Variants in ZNF853 observed in about 807,000 individuals in gnomAD.
ZNF853 encodes zinc finger protein 853.
ZNF853 carries 57 observed loss-of-function variants against 94.7 expected under a neutral mutation model. That is an observed-to-expected ratio of 0.60 (90% confidence interval 0.49 to 0.75). The LOEUF is 0.75. Among genes scored for constraint, ZNF853 ranks in the 30% least tolerant of loss-of-function variants. The pLI is 0.00. For synonymous variants in ZNF853, 448 were observed against 406.3 expected (o/e 1.10, Z -1.23); for missense variants, 785 against 868.9 (o/e 0.90, Z 1.21).
Position 6,622,521 on chromosome 7 carries a change from G to A in ZNF853, c.1530G>A (p.Glu510=). The change falls in exon 3 of 3, where the codon GAG becomes GAA. Residue 510 remains glutamate, a synonymous_variant. Coordinates refer to ENST00000457543, the MANE Select transcript of ZNF853 (RefSeq NM_017560.3). The part of the protein sequence containing the change: ...LVRHQATHTG[E]RPHRCGECGK... Reference sequence around the variant, plus strand: ...GCCACCAGGCCACGCACACGGGTGAGCGGCCACACCGCTGCGGCGAGTGCG... The same window carrying A: ...GCCACCAGGCCACGCACACGGGTGAACGGCCACACCGCTGCGGCGAGTGCG... 4 of 1,548,434 alleles carry A rather than the reference G, an allele frequency of 2.6e-6. No individual in the cohort carries two copies. Among genetic ancestry groups the A allele is most frequent in the Non-Finnish European group, 3.5e-6 (4 of 1,146,554 alleles).
At position 6,622,584 on chromosome 7, in the gene ZNF853, C is replaced by T. The variant is rs1205250595; in HGVS notation, c.1593C>T (p.His531=). 1 of 1,575,914 alleles carries T rather than the reference C, an allele frequency of 6.3e-7. No homozygotes were observed. The change falls in exon 3 of 3, where the codon CAC becomes CAT. Residue 531 remains histidine, a synonymous_variant. Transcript: ENST00000457543. The part of the protein sequence containing the change: ...GFSQHSNLVT[H]QRIHTGEKPY... ...CGCAGCACTCGAATCTGGTGACGCA[C>T]CAACGCATCCACACGGGCGAGAAAC...
Position 6,615,942 on chromosome 7 carries a change from A to C in ZNF853, c.-233A>C. On this transcript the variant is annotated 5_prime_UTR_variant, in exon 1 of 3. Coordinates refer to ENST00000457543, the MANE Select transcript of ZNF853 (RefSeq NM_017560.3). The surrounding 1 kb of genome is among the most constrained non-coding windows in gnomAD (Gnocchi z 8.5). ...CAGCCCCCGCCGGAGAGTCTCCACCAACTTCTGCTCGGCCGCTCCTCTCAG... is the reference window on the plus strand; with the variant it reads ...CAGCCCCCGCCGGAGAGTCTCCACCCACTTCTGCTCGGCCGCTCCTCTCAG... The C allele has an allele frequency of 4.8e-6, 2 of 420,420 alleles. No homozygotes were observed. Among genetic ancestry groups the C allele is most frequent in the Non-Finnish European group, 8.5e-6 (2 of 234,344 alleles). The allele number at this position is 420,420 out of a possible 1,614,324, so 26.0% of individuals were successfully genotyped here.
At chr7:6,619,968 C>T in intron 2 of ZNF853, among the ~76,000 whole-genome samples, 47 of 152,160 alleles carry the variant, frequency 3.1e-4, no homozygotes, top group Non-Finnish European at 6.2e-4. Flanking sequence ...TCCCAGTCTC[C>T]TTGGTATTTT....
rs991474360 is a variant in ZNF853 at position 6,622,064 on chromosome 7, A to G, written c.1073A>G (p.Gln358Arg). 1.0e-5 allele frequency: 16 copies of G among 1,547,524 alleles called. No homozygotes were observed. The highest frequency in any genetic ancestry group is 1.4e-5 in the Non-Finnish European group (16 of 1,146,534). The change falls in exon 3 of 3, where the codon CAG becomes CGG. Residue 358 changes from glutamine (Q) to arginine (R), a missense_variant. Gln to Arg is a conservative substitution (Grantham distance 43). Transcript: ENST00000457543. Reference sequence around the variant, plus strand: ...CGGCAGCAGGAGCAGCGGCAGCTGCAGCTCAAACTGCAGGAGGAGCTGCAG... The same window carrying G: ...CGGCAGCAGGAGCAGCGGCAGCTGCGGCTCAAACTGCAGGAGGAGCTGCAG... ...LERQQEQRQLQLKLQEELQQL... is the reference protein window; with the variant it reads ...LERQQEQRQLRLKLQEELQQL...
chr7:6,621,731 A>AGGGAC lies in ZNF853; in HGVS notation c.741_745dup (p.Gln249ArgfsTer142). 6.4e-7 allele frequency: 1 copy of AGGGAC among 1,550,924 alleles called. No individual in the cohort carries two copies. The highest frequency in any genetic ancestry group is 8.7e-7 in the Non-Finnish European group (1 of 1,146,956). On this transcript the variant is annotated frameshift_variant, in exon 3 of 3. Transcript: ENST00000457543. LOFTEE classifies it high-confidence loss of function. ...CAGCAGCTACTATTGCTGCAGCAGCAGGGACAGTTACAGCAGCAACTGTTG... is the reference window on the plus strand; with the variant it reads ...CAGCAGCTACTATTGCTGCAGCAGCAGGGACGGGACAGTTACAGCAGCAACTGTTG...
rs1271709862 is a variant in ZNF853, at chr7:6,621,915, G to T, written c.924G>T (p.Gln308His). 6.4e-7 allele frequency: 1 copy of T among 1,551,068 alleles called. No homozygotes were observed. Among genetic ancestry groups the T allele is most frequent in the African/African-American group, 1.4e-5 (1 of 73,060 alleles). The change falls in exon 3 of 3, where the codon CAG becomes CAT. Residue 308 changes from glutamine (Q) to histidine (H), a missense_variant. Physicochemically the swap from Gln to His is conservative, Grantham distance 24. Transcript: ENST00000457543. The part of the protein sequence containing the change: ...QQEQLQQQQL[Q>H]PPPLEPEEEE... ...AACAATTGCAGCAGCAACAACTGCAGCCTCCTCCCCTGGAGCCCGAGGAGG... is the reference window on the plus strand; with the variant it reads ...AACAATTGCAGCAGCAACAACTGCATCCTCCTCCCCTGGAGCCCGAGGAGG...
chr7:6,622,204 A>G lies in ZNF853; in HGVS notation c.1213A>G (p.Thr405Ala). 6.5e-7 allele frequency: 1 copy of G among 1,537,134 alleles called. No homozygotes were observed. The highest frequency in any genetic ancestry group is 8.7e-7 in the Non-Finnish European group (1 of 1,145,630). Residue 405 changes from threonine (T) to alanine (A), a missense_variant, in exon 3 of 3, where the codon ACC (threonine) becomes GCC (alanine). Thr to Ala is a moderately conservative substitution (Grantham distance 58, BLOSUM62 0). Coordinates refer to ENST00000457543, the MANE Select transcript of ZNF853 (RefSeq NM_017560.3). ...AQQQEVQLEL[T>A]PVQPELQLEL... ...GCAGCAGGAGGTGCAGCTGGAGCTG[A>G]CCCCCGTGCAGCCGGAGCTGCAGCT...
In ZNF853 at chr7:6,621,927, G is replaced by A. The variant is rs1302353697; in HGVS notation, c.936G>A (p.Leu312=). The A allele has an allele frequency of 6.4e-7, 1 of 1,551,212 alleles. No individual in the cohort carries two copies. ...LQQQQLQPPP[L]EPEEEEEVEL... ...AGCAACAACTGCAGCCTCCTCCCCT[G>A]GAGCCCGAGGAGGAGGAAGAGGTGG... is the stretch of plus-strand genomic sequence containing the variant. Residue 312 remains leucine, a synonymous_variant, in exon 3 of 3, where the codon CTG becomes CTA. Transcript: ENST00000457543.
chr7:6,621,130 G>T lies in ZNF853; in HGVS notation c.139G>T (p.Gly47Cys). ...PGPDTLSGGS[G>C]GSESQEEEEP... Reference sequence around the variant, plus strand: ...TGCCATTTCTTCCACAGGTGGCAGCGGTGGGAGCGAGAGTCAGGAGGAGGA... The same window carrying T: ...TGCCATTTCTTCCACAGGTGGCAGCTGTGGGAGCGAGAGTCAGGAGGAGGA... The change falls in exon 3 of 3, where the codon GGT becomes TGT. Residue 47 changes from glycine (G) to cysteine (C), a missense_variant. By Grantham distance (159) the Gly-to-Cys change is radical (BLOSUM62 -3). Coordinates refer to ENST00000457543, the MANE Select transcript of ZNF853 (RefSeq NM_017560.3). 5 of 1,463,540 alleles carry T rather than the reference G, an allele frequency of 3.4e-6. No individual in the cohort carries two copies. Among genetic ancestry groups the T allele is most frequent in the Non-Finnish European group, 4.5e-6 (5 of 1,107,724 alleles). The allele number at this position is 1,463,540 out of a possible 1,614,324, so 90.7% of individuals were successfully genotyped here. A position where few individuals can be genotyped will look rare whatever the true frequency, so the allele number is the denominator to read the frequency against.
intron 1 of ZNF853, among the ~76,000 whole-genome samples, chr7:6,616,980 C>T: frequency 6.6e-6 from 1 of 152,162 alleles, no homozygotes; most frequent in Non-Finnish European, 1.5e-5. Context: ...GCCTCTGGTG[C>T]TGTCTGCCAA....
chr7:6,616,041 G>A lies in ZNF853; in HGVS notation c.-134G>A. On this transcript the variant is annotated 5_prime_UTR_variant, in exon 1 of 3. Coordinates refer to ENST00000457543, the MANE Select transcript of ZNF853 (RefSeq NM_017560.3). The stretch of plus-strand genomic sequence containing the variant: ...CCTCCGGAGTGCCCAGAAAGCCCCC[G>A]GGGTGGCCCTGCGCCTCCTGGCTCT... The A allele has an allele frequency of 2.5e-6, 2 of 784,500 alleles. No individual in the cohort carries two copies. Among genetic ancestry groups the A allele is most frequent in the South Asian group, 3.5e-5 (2 of 56,702 alleles). The allele number at this position is 784,500 out of a possible 1,614,324, so 48.6% of individuals were successfully genotyped here. A position where few individuals can be genotyped will look rare whatever the true frequency, so the allele number is the denominator to read the frequency against.
chr7:6,616,442 C>T, intron 1 of ZNF853, among the ~76,000 whole-genome samples: 1 of 152,148 alleles, frequency 6.6e-6, no homozygotes, highest in Non-Finnish European at 1.5e-5. Flanking sequence ...GCCAGGAAGG[C>T]AATAGAATGG....
rs759643370 is a variant in ZNF853, at chr7:6,622,020, GCGGCAGCAGGAGCTGGAA to G, written c.1043_1060del (p.Leu348_Glu353del). On this transcript the variant is annotated inframe_deletion, in exon 3 of 3. Coordinates refer to ENST00000457543, the MANE Select transcript of ZNF853 (RefSeq NM_017560.3). ...TGGAGCAGCAGCGGCAGGAGTTGGA[GCGGCAGCAGGAGCTGGAA>G]CGGCAGCAGGAGCAGCGGCAGCTGC... The G allele has an allele frequency of 5.7e-5, 89 of 1,549,642 alleles. No individual in the cohort carries two copies. The highest frequency in any genetic ancestry group is 1.4e-4 in the Admixed American group (7 of 50,996).
rs779753178 is a variant in ZNF853, at chr7:6,622,789, G to C, written c.1798G>C (p.Glu600Gln). Reference protein sequence around the residue: ...THSGERPYVCEDCGERFRHKV... With the variant: ...THSGERPYVCQDCGERFRHKV... ...CTCGGGCGAGCGGCCCTACGTGTGC[G>C]AGGACTGTGGCGAGCGCTTCCGACA... The change falls in exon 3 of 3, where the codon GAG (glutamate) becomes CAG (glutamine). Residue 600 changes from glutamate (E) to glutamine (Q), a missense_variant. Physicochemically the swap from Glu to Gln is conservative, Grantham distance 29. Coordinates refer to ENST00000457543, the MANE Select transcript of ZNF853 (RefSeq NM_017560.3). 6.5e-7 allele frequency: 1 copy of C among 1,537,760 alleles called. No homozygotes were observed. Among genetic ancestry groups the C allele is most frequent in the Admixed American group, 2.0e-5 (1 of 50,818 alleles).
At chr7:6,618,937 A>T in intron 2 of ZNF853, among the ~76,000 whole-genome samples, 1 of 151,928 alleles carries the variant, frequency 6.6e-6, no homozygotes, top group South Asian at 2.1e-4. Flanking sequence ...GTCAGTGTCT[A>T]TGAAAAGCAC....
In ZNF853 at chr7:6,621,808, C is replaced by T. The variant is rs1269321476; in HGVS notation, c.817C>T (p.Gln273Ter). The change falls in exon 3 of 3, where the codon CAG becomes TAG. Residue 273 changes from glutamine (Q) to a stop codon, truncating the protein, a stop_gained. Coordinates refer to ENST00000457543, the MANE Select transcript of ZNF853 (RefSeq NM_017560.3). LOFTEE classifies it high-confidence loss of function. Reference sequence around the variant, plus strand: ...GCAGCTGCTGGAACAGCAGCAGGCACAGTTACAGCAGCAGCTACTGCTGCA... The same window carrying T: ...GCAGCTGCTGGAACAGCAGCAGGCATAGTTACAGCAGCAGCTACTGCTGCA... ...QQQLLEQQQAQLQQQLLLQQQ... is the reference protein window; with the variant it reads ...QQQLLEQQQA The T allele has an allele frequency of 6.5e-7, 1 of 1,550,338 alleles. No individual in the cohort carries two copies. Among genetic ancestry groups the T allele is most frequent in the African/African-American group, 1.4e-5 (1 of 73,020 alleles).
intron 2 of ZNF853, among the ~76,000 whole-genome samples, chr7:6,619,674 T>C: frequency 1.3e-5 from 2 of 152,106 alleles, no homozygotes; most frequent in Non-Finnish European, 2.9e-5. Context: ...AAACATATGA[T>C]GTTATAGGGA....
At chr7:6,617,500 G>C in intron 2 of ZNF853, 193 bp downstream of exon 2, 2 of 793,400 alleles carry the variant, frequency 2.5e-6, no homozygotes. Context: ...CTGGTGAGGG[G>C]CTCCCCGCTC....
Position 6,623,569 on chromosome 7 carries a change from G to A in ZNF853, c.*598G>A. ...AAAACGCCTGTGTTCATCAACACAG[G>A]GTCAGAGCGCTCACCGGGTCGATGT... On this transcript the variant is annotated 3_prime_UTR_variant, in exon 3 of 3. Coordinates refer to ENST00000457543, the MANE Select transcript of ZNF853 (RefSeq NM_017560.3). 2.6e-6 allele frequency: 1 copy of A among 381,342 alleles called. No individual in the cohort carries two copies. The highest frequency in any genetic ancestry group is 4.6e-6 in the Non-Finnish European group (1 of 215,668). The allele number at this position is 381,342 out of a possible 1,614,324, so 23.6% of individuals were successfully genotyped here.
Sources: gnomAD v4.1 joint callset for allele counts (sites outside exome capture counted in the v4.1 genomes callset) on GRCh38, gnomAD v4.1.1 for gene constraint, Gnocchi (gnomAD v3.1) non-coding constraint, MANE v1.5 for transcripts, NCBI Gene and HGNC (gene_info 2026-07-23, HGNC 2026-07-21) for gene names.